NLRP2: variants seen among roughly 807,000 people sequenced by gnomAD.
The protein encoded by NLRP2 is NLR family pyrin domain containing 2.
Under a neutral mutation model 97.2 loss-of-function variants are expected in NLRP2, and 107 were observed. That is an observed-to-expected ratio of 1.10 (90% CI 0.94 to 1.29). The LOEUF (loss-of-function observed/expected upper bound fraction) is 1.29. Among genes scored for constraint, NLRP2 ranks in the 50% most tolerant of loss-of-function variants. The probability of loss-of-function intolerance (pLI) is 0.00; values close to 1 mark genes in which losing one functional copy is unlikely to be tolerated. For synonymous variants in NLRP2, 663 were observed against 551.5 expected (o/e 1.20, Z -2.83); for missense variants, 1,495 against 1,330.3 (o/e 1.12, Z -1.93).
At chr19:54,986,774 A>G (rs1163381373) in intron 8 of NLRP2, among the ~76,000 whole-genome samples, 5 of 152,086 alleles carry the variant, frequency 3.3e-5, no homozygotes, top group Non-Finnish European at 5.9e-5. Flanking sequence ...TCTCGAACTC[A>G]TGACCTCAGG....
Position 54,983,370 on chromosome 19 carries a change from T to C in NLRP2, c.1672T>C (p.Phe558Leu). The change falls in exon 6 of 13, where the codon TTT becomes CTT. Residue 558 changes from phenylalanine to leucine, a missense_variant. By Grantham distance (22) the Phe-to-Leu change is conservative. Coordinates refer to ENST00000448584, the MANE Select transcript of NLRP2 (RefSeq NM_017852.5). The part of the protein sequence containing the change: ...PDLIQAGYYS[F>L]GLANEKRAKE... ...CCTGATCCAAGCAGGCTACTACTCCTTTGGCCTCGCTAACGAGAAGAGAGC... is the reference window on the plus strand; with the variant it reads ...CCTGATCCAAGCAGGCTACTACTCCCTTGGCCTCGCTAACGAGAAGAGAGC... The C allele has an allele frequency of 6.2e-7, 1 of 1,614,208 alleles. No homozygotes were observed. The highest frequency in any genetic ancestry group is 1.6e-4 in the Middle Eastern group (1 of 6,062).
chr19:54,972,192 T>G (rs888854255), intron 2 of NLRP2, among the ~76,000 whole-genome samples: 3 of 149,998 alleles, frequency 2.0e-5, no homozygotes, highest in Non-Finnish European at 3.0e-5. Context: ...CTTTTTTTTT[T>G]GTTTGTTTGA....
At chr19:54,980,900 A>G (rs765701455) in intron 4 of NLRP2, among the ~76,000 whole-genome samples, 2 of 152,160 alleles carry the variant, frequency 1.3e-5, no homozygotes, top group Non-Finnish European at 2.9e-5. Flanking sequence ...ATCTGAGGTC[A>G]GCAGTTTTAG....
At chr19:54,994,228 C>G in intron 10 of NLRP2, 41 bp from the exon 11 acceptor site, 1 of 1,611,746 alleles carries the variant, frequency 6.2e-7, no homozygotes, top group South Asian at 1.1e-5. Flanking sequence ...AGTGAGAACT[C>G]ACAGGTTCGG....
In NLRP2 at chr19:54,997,334, T is replaced by C; in HGVS notation, c.2897T>C (p.Ile966Thr). The C allele has an allele frequency of 1.2e-6, 2 of 1,613,802 alleles. No individual in the cohort carries two copies. The highest frequency in any genetic ancestry group is 2.2e-5 in the South Asian group (2 of 91,060). Residue 966 changes from isoleucine (I) to threonine (T), a missense_variant, in exon 12 of 13, where the codon ATC becomes ACC. Ile to Thr is a moderately conservative substitution (Grantham distance 89, BLOSUM62 -1). Transcript: ENST00000448584. ...LRCLWLWGCS[I>T]PPFSCEDLCS... ...TTCCCCAGGTTGTGGGGATGTTCCA[T>C]CCCTCCGTTCAGTTGTGAAGACCTC...
intron 3 of NLRP2, among the ~76,000 whole-genome samples, chr19:54,975,519 T>A (rs1282469623): frequency 7.0e-6 from 1 of 142,788 alleles, no homozygotes; most frequent in Non-Finnish European, 1.5e-5. Flanking sequence ...TGGCGTGATC[T>A]CGGCTCACTG....
At chr19:54,985,430 C>T (rs1463340194) in intron 7 of NLRP2, among the ~76,000 whole-genome samples, 3 of 152,116 alleles carry the variant, frequency 2.0e-5, no homozygotes, top group African/African-American at 7.2e-5. Context: ...GTAATTCCAA[C>T]ACTTCGGGAG....
intron 2 of NLRP2, among the ~76,000 whole-genome samples, chr19:54,971,052 A>G (rs1181161574): frequency 7.5e-6 from 1 of 132,616 alleles, no homozygotes; most frequent in South Asian, 2.5e-4. Context: ...ATTCCCACCT[A>G]TGAGTGAGAA....
At chr19:54,990,866 C>T (rs2072431244) in intron 10 of NLRP2, 194 bp downstream of exon 10, 1 of 634,368 alleles carries the variant, frequency 1.6e-6, no homozygotes. Context: ...TAGTAATATT[C>T]TATAGGGATT....
chr19:54,983,011 C>T lies in NLRP2; in HGVS notation c.1313C>T (p.Pro438Leu), dbSNP rs762522050. 36 of 1,610,774 alleles carry T rather than the reference C, an allele frequency of 2.2e-5. No individual in the cohort carries two copies. The highest frequency in any genetic ancestry group is 2.9e-5 in the Non-Finnish European group (34 of 1,179,466). The change falls in exon 6 of 13, where the codon CCG (proline) becomes CTG (leucine). Residue 438 changes from proline to leucine, a missense_variant. Coordinates refer to ENST00000448584, the MANE Select transcript of NLRP2 (RefSeq NM_017852.5). ...LFLRFLCSRF[P>L]QGAQLRGALR... is the part of the protein sequence containing the mutation. ...CTGCGTTTCCTCTGCAGCCGGTTCC[C>T]GCAGGGCGCACAGCTGCGGGGCGCG...
chr19:54,982,534 A>T lies in NLRP2; in HGVS notation c.836A>T (p.Gln279Leu). The change falls in exon 6 of 13, where the codon CAA becomes CTA. Residue 279 changes from glutamine to leucine, a missense_variant. Coordinates refer to ENST00000448584, the MANE Select transcript of NLRP2 (RefSeq NM_017852.5). ...GATGACATTCCACACATCCTAGCCCAAGCACGGAAAATCTTGTTCGTGATT... is the reference window on the plus strand; with the variant it reads ...GATGACATTCCACACATCCTAGCCCTAGCACGGAAAATCTTGTTCGTGATT... ...LQDDIPHILA[Q>L]ARKILFVIDG... The T allele has an allele frequency of 6.2e-7, 1 of 1,614,192 alleles. No homozygotes were observed.
chr19:54,995,721 A>C (rs1156426351), intron 11 of NLRP2, among the ~76,000 whole-genome samples: 2 of 152,130 alleles, frequency 1.3e-5, no homozygotes, highest in African/African-American at 4.8e-5. Flanking sequence ...TTGAACCTGG[A>C]ATCCTATCTG....
chr19:54,982,178 C>T lies in NLRP2; in HGVS notation c.480C>T (p.Cys160=), dbSNP rs767484995. 3 of 1,613,990 alleles carry T rather than the reference C, an allele frequency of 1.9e-6. No homozygotes were observed. The highest frequency in any genetic ancestry group is 1.3e-5 in the African/African-American group (1 of 74,914). Reference sequence around the variant, plus strand: ...ATGATAAAGACAAAGACAATAGGTGCAGGTATATATTGAAGACGAAGTTCC... The same window carrying T: ...ATGATAAAGACAAAGACAATAGGTGTAGGTATATATTGAAGACGAAGTTCC... ...KGKKPDKDNR[C]RYILKTKFRE... is the part of the protein sequence containing the mutation. The change falls in exon 6 of 13, where the codon TGC becomes TGT. Residue 160 remains cysteine, a synonymous_variant. Coordinates refer to ENST00000448584, the MANE Select transcript of NLRP2 (RefSeq NM_017852.5).
intron 11 of NLRP2, among the ~76,000 whole-genome samples, chr19:54,996,527 A>AT (rs1474897385): frequency 6.6e-6 from 1 of 152,104 alleles, no homozygotes; most frequent in African/African-American, 2.4e-5. Context: ...GATGGAAGTT[A>AT]TTTAACCTCT....
chr19:54,993,980 A>C lies in NLRP2; in HGVS notation c.2709-289A>C, dbSNP rs569900610. The C allele has an allele frequency of 6.2e-5, 32 of 514,544 alleles. No homozygotes were observed. In the East Asian group the frequency reaches 1.1e-3, roughly 17 times the overall value. 31.9% of individuals were successfully genotyped at this position (514,544 alleles called of 1,614,324 possible). On this transcript the variant is annotated intron_variant, in intron 10 of 12. Transcript: ENST00000448584. ...TGGCTTTGACTCTCAGCTCCCTCTT[A>C]TGAGGATCCCTGTGATTGCTGGACC...
At chr19:54,970,887 T>C (rs1044963940) in intron 2 of NLRP2, among the ~76,000 whole-genome samples, 2 of 146,240 alleles carry the variant, frequency 1.4e-5, no homozygotes, top group African/African-American at 5.0e-5. Context: ...TAGTTACATA[T>C]GTATACATGT....
intron 12 of NLRP2, 61 bp downstream of exon 12, chr19:54,997,548 A>G: frequency 1.3e-6 from 2 of 1,546,648 alleles, no homozygotes; most frequent in South Asian, 1.1e-5. Context: ...GGGGAAGCAT[A>G]ATGACATGGA....
intron 11 of NLRP2, among the ~76,000 whole-genome samples, chr19:54,997,027 C>T (rs1355314402): frequency 6.6e-6 from 1 of 152,174 alleles, no homozygotes; most frequent in African/African-American, 2.4e-5. Flanking sequence ...CCTGCCCCAG[C>T]CTCCTGAGTA....
intron 4 of NLRP2, among the ~76,000 whole-genome samples, chr19:54,978,486 A>T (rs142775289): frequency 2.0e-5 from 3 of 151,796 alleles, no homozygotes; most frequent in African/African-American, 7.3e-5. Context: ...GATCTGCTCC[A>T]CCCACCCCCA....
Sources: allele counts gnomAD v4.1 joint callset (sites outside exome capture counted in the v4.1 genomes callset), GRCh38; gene constraint gnomAD v4.1.1; transcripts MANE v1.5; gene names NCBI Gene and HGNC (gene_info 2026-07-23, HGNC 2026-07-21).